MRC1: variants seen among roughly 807,000 people sequenced by gnomAD.
MRC1 encodes macrophage mannose receptor 1.
MRC1 carries 62 observed loss-of-function variants against 102.9 expected under a neutral mutation model. The ratio of observed to expected loss-of-function variants is 0.60; its 90% CI spans 0.49 to 0.74. The LOEUF (loss-of-function observed/expected upper bound fraction) is 0.74, where lower values mean the gene tolerates loss of function less well. MRC1 is among the 30% of genes least tolerant of loss of function. MRC1 has a pLI of 0.00. For synonymous variants in MRC1, 457 were observed against 298.4 expected (o/e 1.53, Z -5.48); for missense variants, 1,237 against 862.8 (o/e 1.43, Z -5.43).
At chr10:17,815,597 A>G (rs1341218538) in intron 1 of MRC1, among the ~76,000 whole-genome samples, 4 of 151,534 alleles carry the variant, frequency 2.6e-5, no homozygotes, top group Non-Finnish European at 5.9e-5. Flanking sequence ...AGGTGTAGAT[A>G]TTCATATCTT....
At chr10:17,907,861 A>G (rs1833916819) in intron 28 of MRC1, among the ~76,000 whole-genome samples, 163 bp downstream of exon 28, 1 of 152,196 alleles carries the variant, frequency 6.6e-6, no homozygotes, top group Admixed American at 6.5e-5. Flanking sequence ...TACTGTTTGC[A>G]GCTCTGCGTG....
intron 21 of MRC1, among the ~76,000 whole-genome samples, chr10:17,882,154 G>C (rs1184501055): frequency 6.6e-6 from 1 of 152,064 alleles, no homozygotes; most frequent in Non-Finnish European, 1.5e-5. Context: ...CTTGCCCTTT[G>C]AGGAGGGTGT....
intron 1 of MRC1, among the ~76,000 whole-genome samples, chr10:17,821,966 C>T (rs1351761647): frequency 6.6e-6 from 1 of 151,994 alleles, no homozygotes; most frequent in Non-Finnish European, 1.5e-5. Context: ...TCAAAGCACT[C>T]AGTTACTTTC....
At position 17,819,453 on chromosome 10, in the gene MRC1, ATGTGTG is replaced by A. The variant is rs59778334; in HGVS notation, c.62-3589_62-3584del. Among the ~76,000 whole-genome samples the A allele has an allele frequency of 5.0e-3, 730 of 145,660 alleles. 1 individual carries two copies. Among genetic ancestry groups the A allele is most frequent in the African/African-American group, 7.9e-3 (310 of 39,284 alleles). On this transcript the variant is annotated intron_variant, in intron 1 of 29. Transcript: ENST00000569591. ...GGTATATGTATGAATTCAGAGTTGT[ATGTGTG>A]TGTGTGTGTGTGTGTGTGTGTGTGT...
At chr10:17,890,858 G>C (rs1218954259) in intron 22 of MRC1, among the ~76,000 whole-genome samples, 1 of 152,094 alleles carries the variant, frequency 6.6e-6, no homozygotes, top group Non-Finnish European at 1.5e-5. Context: ...AGTGAGCTAA[G>C]CTTCATCTAT....
At chr10:17,827,408 A>ATCCCTCTGTGGGTGCATC in intron 2 of MRC1, 134 bp from the exon 3 acceptor site, 1 of 308,804 alleles carries the variant, frequency 3.2e-6, no homozygotes, top group Non-Finnish European at 6.3e-6. Context: ...AAAAAAAAAA[A>ATCCCTCTGTGGGTGCATC]AAGAAATCCC....
intron 17 of MRC1, among the ~76,000 whole-genome samples, chr10:17,875,822 T>C (rs1193293910): frequency 6.6e-6 from 1 of 152,200 alleles, no homozygotes; most frequent in Non-Finnish European, 1.5e-5. Context: ...CTACTTTTAG[T>C]TCTTCAAGGA....
intron 21 of MRC1, among the ~76,000 whole-genome samples, chr10:17,884,689 C>T (rs1833565794): frequency 6.6e-6 from 1 of 152,142 alleles, no homozygotes; most frequent in Admixed American, 6.5e-5. Context: ...ATGGGAGAAA[C>T]CTCCCCCATG....
intron 8 of MRC1, among the ~76,000 whole-genome samples, chr10:17,855,777 T>C (rs1589180283): frequency 1.3e-5 from 2 of 152,242 alleles, no homozygotes; most frequent in East Asian, 3.9e-4. Context: ...CATATGAACA[T>C]GTCAATTACC....
intron 22 of MRC1, among the ~76,000 whole-genome samples, chr10:17,892,380 A>G (rs1014808138): frequency 1.6e-4 from 25 of 152,160 alleles, no homozygotes; most frequent in Non-Finnish European, 2.2e-4. Flanking sequence ...CTCCTACCTC[A>G]ATACTTGTTC....
chr10:17,832,482 G>A (rs1838589948), intron 3 of MRC1, among the ~76,000 whole-genome samples: 1 of 150,208 alleles, frequency 6.7e-6, no homozygotes, highest in Non-Finnish European at 1.5e-5. Context: ...GTGAACCCGG[G>A]AGGCGGAGCT....
chr10:17,885,818 T>C (rs1414137432), intron 22 of MRC1, among the ~76,000 whole-genome samples: 1 of 147,810 alleles, frequency 6.8e-6, no homozygotes. Flanking sequence ...CATATGATCA[T>C]CATCCATCAT....
intron 1 of MRC1, among the ~76,000 whole-genome samples, chr10:17,815,202 A>G (rs868945597): frequency 0.017 from 2,595 of 152,250 alleles, 35 homozygotes; most frequent in South Asian, 0.068. Context: ...CAGATGGGGA[A>G]GTGGAAGCAC....
chr10:17,847,003 G>A (rs1838835359), intron 6 of MRC1, among the ~76,000 whole-genome samples: 1 of 152,158 alleles, frequency 6.6e-6, no homozygotes, highest in African/African-American at 2.4e-5. Flanking sequence ...ATATAGATTT[G>A]GCCAAGATCC....
At chr10:17,895,475 A>G (rs1248914083) in intron 23 of MRC1, among the ~76,000 whole-genome samples, 1 of 152,170 alleles carries the variant, frequency 6.6e-6, no homozygotes, top group East Asian at 1.9e-4. Context: ...CAGAATAGGA[A>G]TACCTCCCTT....
At chr10:17,886,220 A>G (rs1176435476) in intron 22 of MRC1, among the ~76,000 whole-genome samples, 4 of 152,174 alleles carry the variant, frequency 2.6e-5, no homozygotes, top group African/African-American at 9.7e-5. Flanking sequence ...CCTATGTGCT[A>G]GACACTGTCT....
In MRC1 at chr10:17,809,536, C is replaced by CT; in HGVS notation, c.61+11dup. The CT allele has an allele frequency of 1.1e-6, 1 of 872,778 alleles. No individual in the cohort carries two copies. Among genetic ancestry groups the CT allele is most frequent in the Middle Eastern group, 2.2e-4 (1 of 4,606 alleles). The allele number at this position is 872,778 out of a possible 1,614,324, so 54.1% of individuals were successfully genotyped here. ...GCTGTTCTCCTACTGGGTAAGTCTG[C>CT]TCTGAGGCAGGGGATCTCTGACCTG... On this transcript the variant is annotated intron_variant, in intron 1 of 29. Transcript: ENST00000569591.
chr10:17,826,282 A>G (rs1264548492), intron 2 of MRC1, among the ~76,000 whole-genome samples: 1 of 152,008 alleles, frequency 6.6e-6, no homozygotes, highest in African/African-American at 2.4e-5. Flanking sequence ...GGCTCACAGC[A>G]ACCTCCGCCT....
At chr10:17,870,204 C>G in intron 12 of MRC1, 42 bp from the exon 13 acceptor site, 1 of 763,278 alleles carries the variant, frequency 1.3e-6, no homozygotes, top group Non-Finnish European at 2.4e-6. Flanking sequence ...ATTTGATAAA[C>G]TACAAAGCAT....
Sources: allele counts gnomAD v4.1 joint callset (sites outside exome capture counted in the v4.1 genomes callset), GRCh38; gene constraint gnomAD v4.1.1; transcripts MANE v1.5; gene names NCBI Gene and HGNC (gene_info 2026-07-23, HGNC 2026-07-21).